LRRC37A2: variants seen among roughly 807,000 people sequenced by gnomAD.
The protein encoded by LRRC37A2 is leucine-rich repeat-containing protein 37A2.
LRRC37A2 carries 9 observed loss-of-function variants against 68.8 expected under a neutral mutation model. That is an observed-to-expected ratio of 0.13 (90% confidence interval 0.08 to 0.23). LRRC37A2 has a LOEUF of 0.23. Among genes scored for constraint, LRRC37A2 ranks in the 10% least tolerant of loss-of-function variants. The probability of loss-of-function intolerance (pLI) is 1.00; values close to 1 mark genes in which losing one functional copy is unlikely to be tolerated. For synonymous variants in LRRC37A2, 63 were observed against 367.6 expected, an observed-to-expected ratio of 0.17 and a Z score of 9.48; for missense variants, 168 against 950.4, an observed-to-expected ratio of 0.18 and a Z score of 10.82.
the LRRC37A2 span, among the ~76,000 whole-genome samples, chr17:46,902,457 A>AGTGT: frequency 4.1e-4 from 42 of 101,674 alleles, no homozygotes; most frequent in African/African-American, 2.0e-3. Context: ...ATAAGGGAAC[A>AGTGT]GTGCGTGTGT....
the LRRC37A2 span, among the ~76,000 whole-genome samples, chr17:46,495,622 T>C: frequency 5.3e-5 from 8 of 150,860 alleles, no homozygotes; most frequent in African/African-American, 2.0e-4. Flanking sequence ...TGACCTCAGG[T>C]GATTCGTCTG....
the LRRC37A2 span, among the ~76,000 whole-genome samples, chr17:46,955,984 A>G: frequency 6.6e-6 from 1 of 152,166 alleles, no homozygotes; most frequent in Admixed American, 6.5e-5. Context: ...CTCTCCTCAC[A>G]TCAGACTGGG....
the LRRC37A2 span, among the ~76,000 whole-genome samples, chr17:46,486,045 A>C: frequency 6.3e-5 from 5 of 79,438 alleles, 2 homozygotes; most frequent in African/African-American, 2.0e-4. Context: ...TGTACAATTC[A>C]GTGGCATTAA....
the LRRC37A2 span, among the ~76,000 whole-genome samples, chr17:46,772,269 C>T: frequency 6.6e-6 from 1 of 152,256 alleles, no homozygotes; most frequent in Non-Finnish European, 1.5e-5. Flanking sequence ...CCCCCGCAAC[C>T]CAAACCTGTC....
chr17:46,824,129 T>G, the LRRC37A2 span, among the ~76,000 whole-genome samples: 4 of 152,246 alleles, frequency 2.6e-5, no homozygotes, highest in South Asian at 8.3e-4. Flanking sequence ...CTTCAAAATA[T>G]CCACTTCAGA....
chr17:47,017,415 C>A, the LRRC37A2 span: 4 of 1,437,028 alleles, frequency 2.8e-6, no homozygotes, highest in Middle Eastern at 4.9e-4. Flanking sequence ...TCCCCATGCG[C>A]CTACTCTCCC....
the LRRC37A2 span, chr17:47,035,221 G>T: frequency 6.6e-6 from 1 of 152,220 alleles, no homozygotes; most frequent in South Asian, 2.1e-4. Flanking sequence ...GTGGTGGTTA[G>T]TATATTCTCA....
At chr17:46,878,729 G>T in the LRRC37A2 span, among the ~76,000 whole-genome samples, 180 of 152,318 alleles carry the variant, frequency 1.2e-3, no homozygotes, top group African/African-American at 4.1e-3. Context: ...TGGGAGCAAC[G>T]TGGAGGCCAG....
At chr17:46,421,164 CAA>C in the LRRC37A2 span, among the ~76,000 whole-genome samples, 1 of 67,100 alleles carries the variant, frequency 1.5e-5, no homozygotes, top group Admixed American at 1.4e-4. Context: ...GTCCTGACCT[CAA>C]GTGATCCTCC....
chr17:46,850,690 C>CT, the LRRC37A2 span, among the ~76,000 whole-genome samples: 2 of 152,202 alleles, frequency 1.3e-5, no homozygotes, highest in African/African-American at 4.8e-5. Context: ...GTACCACGCG[C>CT]CGCTTTGATC....
chr17:46,659,750 CAA>C, the LRRC37A2 span, among the ~76,000 whole-genome samples: 4 of 145,626 alleles, frequency 2.7e-5, no homozygotes, highest in Admixed American at 1.4e-4. Flanking sequence ...AAAACTCTAA[CAA>C]GAGGACATTT....
At chr17:46,768,311 C>T in the LRRC37A2 span, 1 of 1,613,422 alleles carries the variant, frequency 6.2e-7, no homozygotes. The surrounding 1 kb of genome is among the most constrained non-coding windows in gnomAD (Gnocchi z 5.0). Context: ...CGGAGCCCTA[C>T]CTGGTGCCCT....
At chr17:47,002,483 T>A in the LRRC37A2 span, among the ~76,000 whole-genome samples, 1 of 151,942 alleles carries the variant, frequency 6.6e-6, no homozygotes, top group Non-Finnish European at 1.5e-5. Context: ...CTCCGCCTCC[T>A]GGGTTCAAGC....
the LRRC37A2 span, among the ~76,000 whole-genome samples, chr17:46,847,400 T>G: frequency 6.6e-6 from 1 of 152,256 alleles, no homozygotes; most frequent in Non-Finnish European, 1.5e-5. Flanking sequence ...ATGGCCCACA[T>G]GCTACCTCAC....
chr17:46,729,899 A>G, the LRRC37A2 span, among the ~76,000 whole-genome samples: 35 of 152,280 alleles, frequency 2.3e-4, no homozygotes, highest in Admixed American at 1.6e-3. Flanking sequence ...AACATAACCT[A>G]TAATAGTCTT....
the LRRC37A2 span, among the ~76,000 whole-genome samples, chr17:46,575,422 G>GT: frequency 6.6e-6 from 1 of 151,592 alleles, no homozygotes; most frequent in Non-Finnish European, 1.5e-5. Context: ...CACTGGGAGC[G>GT]TACTTGGTGT....
the LRRC37A2 span, among the ~76,000 whole-genome samples, chr17:46,928,830 T>G: frequency 6.6e-6 from 1 of 152,234 alleles, no homozygotes; most frequent in East Asian, 1.9e-4. Flanking sequence ...CTATCTTCCT[T>G]CACCAAATGA....
chr17:46,509,910 G>GAAA (rs1046984804), upstream of LRRC37A2, among the ~76,000 whole-genome samples: 11 of 46,734 alleles, frequency 2.4e-4, 1 homozygote, highest in African/African-American at 7.4e-4. Flanking sequence ...CTCTCTCGAG[G>GAAA]AAAAAAAAAA....
the LRRC37A2 span, among the ~76,000 whole-genome samples, chr17:46,855,236 G>A: frequency 6.6e-5 from 10 of 152,228 alleles, no homozygotes; most frequent in African/African-American, 2.2e-4. Flanking sequence ...GGGTGAGGGT[G>A]GAGGGAGCCT....
Sources: allele counts gnomAD v4.1 joint callset (sites outside exome capture counted in the v4.1 genomes callset), GRCh38; gene constraint gnomAD v4.1.1; non-coding constraint Gnocchi (gnomAD v3.1); transcripts MANE v1.5; gene names NCBI Gene and HGNC (gene_info 2026-07-23, HGNC 2026-07-21).